AIM2: variants seen among roughly 807,000 people sequenced by gnomAD.
The protein encoded by AIM2 is absent in melanoma 2, also known as interferon-inducible protein AIM2.
A neutral mutation model predicts 27.7 loss-of-function variants in AIM2; 30 were observed. The ratio of observed to expected loss-of-function variants is 1.08; its 90% confidence interval spans 0.81 to 1.47. The LOEUF is 1.47. AIM2 is among the 40% of genes most tolerant of loss of function. The pLI is 0.00. For missense variants in AIM2, 358 were observed against 411.3 expected, an observed-to-expected ratio of 0.87 and a Z score of 1.12; for synonymous variants, 141 against 145.3, an observed-to-expected ratio of 0.97 and a Z score of 0.21.
intron 1 of AIM2, among the ~76,000 whole-genome samples, chr1:159,105,438 G>C (rs1335695821): frequency 6.6e-6 from 1 of 152,184 alleles, no homozygotes; most frequent in African/African-American, 2.4e-5. Context: ...CCCTGTTTGT[G>C]TTACAGCTCT....
Position 159,127,196 on chromosome 1 carries a change from G to A in AIM2, c.-16+13235C>T, listed in dbSNP as rs563032987. 3.3e-5 allele frequency among the ~76,000 whole-genome samples: 5 copies of A among 152,248 alleles called. No individual in the cohort carries two copies. The East Asian group carries it at 9.6e-4, about 29-fold the overall frequency. Reference sequence around the variant, plus strand: ...TGATGTTCTCATTTTAAGCTGACTGGTAGGATCCTGAGTGTTTATTTTATT... The same window carrying A: ...TGATGTTCTCATTTTAAGCTGACTGATAGGATCCTGAGTGTTTATTTTATT... On this transcript the variant is annotated intron_variant, in intron 1 of 2. Coordinates refer to the AIM2 transcript ENST00000368129.
chr1:159,075,548 C>T (rs1185982172), intron 1 of AIM2, among the ~76,000 whole-genome samples: 1 of 139,014 alleles, frequency 7.2e-6, no homozygotes, highest in Non-Finnish European at 1.5e-5. Context: ...CACACACACA[C>T]ACACACACAC....
rs541989309 is a variant in AIM2 at position 159,125,532 on chromosome 1, T to A, written c.-16+14899A>T. ...GGTTATAAATGACAATACAAAGAATTAGAGGGCCACGGAAAGCCAGAGAGA... is the reference window on the plus strand; with the variant it reads ...GGTTATAAATGACAATACAAAGAATAAGAGGGCCACGGAAAGCCAGAGAGA... On this transcript the variant is annotated intron_variant, in intron 1 of 2. Transcript: ENST00000368129. 4.6e-4 allele frequency among the ~76,000 whole-genome samples: 70 copies of A among 152,238 alleles called. 1 individual carries two copies. Among genetic ancestry groups the A allele is most frequent in the African/African-American group, 1.6e-3 (66 of 41,542 alleles).
chr1:159,057,268 A>G, the AIM2 span, among the ~76,000 whole-genome samples: 1 of 132,694 alleles, frequency 7.5e-6, no homozygotes, highest in Non-Finnish European at 1.7e-5. Flanking sequence ...TAATTTATGA[A>G]TTGAGTTTGG....
intron 1 of AIM2, among the ~76,000 whole-genome samples, chr1:159,139,374 T>C (rs967586642): frequency 2.0e-5 from 3 of 152,228 alleles, no homozygotes; most frequent in African/African-American, 7.2e-5. Flanking sequence ...TCAGACCCTT[T>C]CCTTTCCCTA....
chr1:159,125,859 T>C (rs1243520716), intron 1 of AIM2, among the ~76,000 whole-genome samples: 1 of 152,100 alleles, frequency 6.6e-6, no homozygotes, highest in Non-Finnish European at 1.5e-5. Flanking sequence ...GAATTTCAGG[T>C]AGAGTTACAT....
intron 1 of AIM2, among the ~76,000 whole-genome samples, chr1:159,117,800 C>A (rs1647418389): frequency 6.6e-6 from 1 of 152,060 alleles, no homozygotes; most frequent in South Asian, 2.1e-4. Context: ...TTTCCCCGTG[C>A]AGTGTCTTGC....
At chr1:159,105,022 T>C (rs1159058710) in intron 1 of AIM2, among the ~76,000 whole-genome samples, 1 of 152,196 alleles carries the variant, frequency 6.6e-6, no homozygotes, top group Non-Finnish European at 1.5e-5. Flanking sequence ...CCTGCTGGGC[T>C]CATTCCACCC....
intron 1 of AIM2, among the ~76,000 whole-genome samples, chr1:159,099,722 T>G (rs780558218): frequency 1.2e-4 from 19 of 152,186 alleles, no homozygotes; most frequent in Non-Finnish European, 2.4e-4. Flanking sequence ...GATCCTCCCA[T>G]GATCCCAGCA....
downstream of AIM2, among the ~76,000 whole-genome samples, chr1:159,061,860 CT>C (rs1655849303): frequency 6.6e-6 from 1 of 152,028 alleles, no homozygotes; most frequent in Non-Finnish European, 1.5e-5. Flanking sequence ...GTAGATTGTG[CT>C]TTTGGTGTGA....
chr1:159,107,306 A>ATGTGTG (rs72077036), intron 1 of AIM2, among the ~76,000 whole-genome samples: 22 of 147,964 alleles, frequency 1.5e-4, no homozygotes, highest in African/African-American at 3.2e-4. Flanking sequence ...ACATGTGTGT[A>ATGTGTG]TGTGTGTGTG....
At position 159,133,193 on chromosome 1, in the gene AIM2, T is replaced by C. The variant is rs532657150; in HGVS notation, c.-16+7238A>G. Among the ~76,000 whole-genome samples the C allele has an allele frequency of 5.7e-4, 79 of 138,340 alleles. 1 individual carries two copies. The East Asian group carries it at 0.014, about 25-fold the overall frequency. 90.8% of individuals were successfully genotyped at this position (138,340 alleles called of 152,430 possible). A position where few individuals can be genotyped will look rare whatever the true frequency, so the allele number is the denominator to read the frequency against. On this transcript the variant is annotated intron_variant, in intron 1 of 2. Coordinates refer to the AIM2 transcript ENST00000368129. ...TCTTGTTCTCTCTCTCTCTCTCTCTTTCTCTCTCTCTTAATGATTTCCTTC... is the reference window on the plus strand; with the variant it reads ...TCTTGTTCTCTCTCTCTCTCTCTCTCTCTCTCTCTCTTAATGATTTCCTTC...
intron 3 of AIM2, 64 bp downstream of exon 3, chr1:159,068,504 G>C (rs927473699): frequency 6.6e-7 from 1 of 1,526,000 alleles, no homozygotes; most frequent in Admixed American, 2.3e-5. Flanking sequence ...AGAACAATAT[G>C]GGAAGTGACA....
At chr1:159,078,859 T>C (rs951999293), upstream of AIM2, among the ~76,000 whole-genome samples, 15 of 152,186 alleles carry the variant, frequency 9.9e-5, no homozygotes, top group African/African-American at 3.6e-4. Flanking sequence ...GCTCCTACTG[T>C]AGCAACTGGC....
At chr1:159,061,554 G>A (rs947019648), downstream of AIM2, among the ~76,000 whole-genome samples, 17 of 144,030 alleles carry the variant, frequency 1.2e-4, no homozygotes, top group East Asian at 2.4e-3. Context: ...CACCGTGCCC[G>A]GCTATTTTTT....
At chr1:159,129,626 C>T (rs540986732) in intron 1 of AIM2, among the ~76,000 whole-genome samples, 14 of 152,268 alleles carry the variant, frequency 9.2e-5, no homozygotes, top group African/African-American at 3.1e-4. Context: ...TAAAAAGTAC[C>T]TCTGTAGGAG....
intron 1 of AIM2, among the ~76,000 whole-genome samples, chr1:159,127,059 C>T (rs1157328725): frequency 1.3e-5 from 2 of 152,092 alleles, no homozygotes; most frequent in Non-Finnish European, 2.9e-5. Flanking sequence ...TTGGGGATAG[C>T]TATATGTGAA....
intron 1 of AIM2, among the ~76,000 whole-genome samples, chr1:159,110,756 T>C (rs1231186202): frequency 6.6e-6 from 1 of 152,220 alleles, no homozygotes; most frequent in East Asian, 1.9e-4. Context: ...AAATGGTATC[T>C]GCACCAAGCA....
At chr1:159,130,818 A>G (rs1349970662) in intron 1 of AIM2, among the ~76,000 whole-genome samples, 1 of 151,286 alleles carries the variant, frequency 6.6e-6, no homozygotes, top group Non-Finnish European at 1.5e-5. Flanking sequence ...ACACACACAC[A>G]CACACACACA....
Sources: allele counts gnomAD v4.1 joint callset (sites outside exome capture counted in the v4.1 genomes callset), GRCh38; gene constraint gnomAD v4.1.1; transcripts MANE v1.5; gene names NCBI Gene and HGNC (gene_info 2026-07-23, HGNC 2026-07-21).